TASOR: variants seen among roughly 807,000 people sequenced by gnomAD.
TASOR encodes protein TASOR.
TASOR carries 53 observed loss-of-function variants against 178.6 expected under a neutral mutation model. The observed-to-expected ratio is 0.30, with a 90% CI of 0.24 to 0.37. The LOEUF is 0.37. Ranked by LOEUF, TASOR falls within the 10% of genes least tolerant of loss-of-function variation. The probability of loss-of-function intolerance (pLI) is 1.00; values close to 1 mark genes in which losing one functional copy is unlikely to be tolerated. For synonymous variants in TASOR, 713 were observed against 696.2 expected, an observed-to-expected ratio of 1.02 and a Z score of -0.38; for missense variants, 1,815 against 1,971.4, an observed-to-expected ratio of 0.92 and a Z score of 1.50.
Position 56,640,150 on chromosome 3 carries a change from C to G in TASOR, c.2620-20G>C. 1 of 1,603,930 alleles carries G rather than the reference C, an allele frequency of 6.2e-7. No homozygotes were observed. Among genetic ancestry groups the G allele is most frequent in the East Asian group, 2.2e-5 (1 of 44,784 alleles). On this transcript the variant is annotated intron_variant, in intron 15 of 23. Transcript: ENST00000683822. ...TGGATCCTAAAAATCAAAGTACACA[C>G]TGAATAGCTTTATTTCCAATTCATT...
In TASOR at chr3:56,624,329, T is replaced by C. The variant is rs1017976693; in HGVS notation, c.4483+150A>G. 15 of 713,146 alleles carry C rather than the reference T, an allele frequency of 2.1e-5. No individual in the cohort carries two copies. In the African/African-American group the frequency reaches 2.2e-4, roughly 10 times the overall value. The allele number at this position is 713,146 out of a possible 1,614,324, so 44.2% of individuals were successfully genotyped here. A position where few individuals can be genotyped will look rare whatever the true frequency, so the allele number is the denominator to read the frequency against. ...AGCAGATCTTGTGCATGCTAAGTAT[T>C]AGAATGATAAATGTCTTGAAACACT... On this transcript the variant is annotated intron_variant, in intron 23 of 23. Coordinates refer to ENST00000683822, the MANE Select transcript of TASOR (RefSeq NM_001365635.2).
At chr3:56,657,903 T>C (rs1316647) in intron 11 of TASOR, among the ~76,000 whole-genome samples, 28,150 of 152,096 alleles carry the variant, frequency 0.19, 3,427 homozygotes, top group South Asian at 0.41. Flanking sequence ...GTCCCCATCT[T>C]TTACCTATGT....
At chr3:56,636,436 C>T (rs1007168859) in intron 17 of TASOR, among the ~76,000 whole-genome samples, 6 of 151,720 alleles carry the variant, frequency 4.0e-5, no homozygotes, top group East Asian at 1.9e-4. Context: ...GACAGAGACT[C>T]GCTCTGCCAC....
intron 13 of TASOR, among the ~76,000 whole-genome samples, chr3:56,647,716 G>C (rs1013554030): frequency 6.6e-6 from 1 of 152,196 alleles, no homozygotes; most frequent in Non-Finnish European, 1.5e-5. Flanking sequence ...AAAGCCATTA[G>C]TGGGAACTTT....
At chr3:56,680,260 T>TA (rs1234984677) in intron 1 of TASOR, among the ~76,000 whole-genome samples, 2 of 152,190 alleles carry the variant, frequency 1.3e-5, no homozygotes, top group South Asian at 2.1e-4. Flanking sequence ...ATGGGAATAG[T>TA]ACCTACCACA....
chr3:56,679,709 T>A (rs1463190772), intron 1 of TASOR, among the ~76,000 whole-genome samples: 1 of 152,188 alleles, frequency 6.6e-6, no homozygotes, highest in African/African-American at 2.4e-5. Context: ...CTACTCCATT[T>A]CCCAAGAACT....
At chr3:56,674,144 T>G (rs1267005663) in intron 1 of TASOR, among the ~76,000 whole-genome samples, 1 of 150,124 alleles carries the variant, frequency 6.7e-6, no homozygotes. Flanking sequence ...TAAAAGCATT[T>G]AAGACGTTAT....
intron 7 of TASOR, among the ~76,000 whole-genome samples, chr3:56,665,246 G>A (rs1298189781): frequency 1.3e-5 from 2 of 152,154 alleles, no homozygotes; most frequent in Non-Finnish European, 2.9e-5. Flanking sequence ...AACTATCAAT[G>A]CCTTGACTGC....
At chr3:56,636,799 C>T (rs148801577) in intron 17 of TASOR, among the ~76,000 whole-genome samples, 37 of 152,282 alleles carry the variant, frequency 2.4e-4, no homozygotes, top group African/African-American at 8.4e-4. Flanking sequence ...CAGATGTCTA[C>T]ACTTTAGCTT....
intron 22 of TASOR, 49 bp from the exon 23 acceptor site, chr3:56,624,692 C>T (rs1553720712): frequency 1.3e-6 from 2 of 1,570,984 alleles, no homozygotes; most frequent in Non-Finnish European, 1.7e-6. Flanking sequence ...AAAATATAGA[C>T]AGCCCCTAGC....
chr3:56,628,699 A>T (rs10222629), intron 18 of TASOR, 85 bp from the exon 19 acceptor site: 122,684 of 848,514 alleles, frequency 0.14, 12,026 homozygotes, highest in South Asian at 0.34. Context: ...ATAAACTGAT[A>T]AGCTTAACTA....
At chr3:56,656,169 A>AC (rs2077463935) in intron 11 of TASOR, among the ~76,000 whole-genome samples, 3 of 152,204 alleles carry the variant, frequency 2.0e-5, no homozygotes, top group Admixed American at 2.0e-4. Flanking sequence ...CTATATAGAA[A>AC]CCCCCAAAAA....
intron 1 of TASOR, among the ~76,000 whole-genome samples, chr3:56,674,436 G>C (rs1266378364): frequency 6.6e-6 from 1 of 151,974 alleles, no homozygotes; most frequent in Non-Finnish European, 1.5e-5. Context: ...TTTGAGCCCA[G>C]GAGTTCAAGG....
intron 11 of TASOR, among the ~76,000 whole-genome samples, chr3:56,658,946 C>CTGTG (rs58622702): frequency 0.041 from 6,032 of 147,500 alleles, 167 homozygotes; most frequent in Non-Finnish European, 0.06. Context: ...GAGAGAGAGA[C>CTGTG]TGTGTGTGTG....
intron 6 of TASOR, among the ~76,000 whole-genome samples, chr3:56,666,850 G>A (rs2030053103): frequency 6.6e-6 from 1 of 152,170 alleles, no homozygotes; most frequent in Non-Finnish European, 1.5e-5. Context: ...CTGAACATAG[G>A]TGACAAAGAT....
At position 56,647,069 on chromosome 3, in the gene TASOR, CT is replaced by C; in HGVS notation, c.1667del (p.Lys556SerfsTer3). 1.9e-6 allele frequency: 3 copies of C among 1,607,208 alleles called. No individual in the cohort carries two copies. Among genetic ancestry groups the C allele is most frequent in the Admixed American group, 1.7e-5 (1 of 58,040 alleles). The stretch of plus-strand genomic sequence containing the variant: ...CTCGCTTAAAAAATTCACTTACATA[CT>C]TTTCAACAACAGAATGAAAATTTAT... ...SAINFHSVVE[K>X]YVSEFFKRGF... On this transcript the variant is annotated frameshift_variant, in exon 14 of 24. Coordinates refer to ENST00000683822, the MANE Select transcript of TASOR (RefSeq NM_001365635.2). LOFTEE classifies it high-confidence loss of function.
rs181317712 is a variant in TASOR, at chr3:56,670,890, G to A, written c.570+710C>T. Reference sequence around the variant, plus strand: ...AGAAGGAGGTTGCAGTGAGTGAGCCGCGATCACACCATTTAACTCCAGCCT... The same window carrying A: ...AGAAGGAGGTTGCAGTGAGTGAGCCACGATCACACCATTTAACTCCAGCCT... On this transcript the variant is annotated intron_variant, in intron 3 of 23. Coordinates refer to ENST00000683822, the MANE Select transcript of TASOR (RefSeq NM_001365635.2). Among the ~76,000 whole-genome samples the A allele has an allele frequency of 2.5e-3, 307 of 125,176 alleles. 13 individuals are homozygous for A. In the East Asian group the frequency reaches 0.067, roughly 27 times the overall value. 82.1% of individuals were successfully genotyped at this position (125,176 alleles called of 152,430 possible). A position where few individuals can be genotyped will look rare whatever the true frequency, so the allele number is the denominator to read the frequency against.
chr3:56,636,153 T>A (rs2077011158), intron 17 of TASOR, among the ~76,000 whole-genome samples: 1 of 149,958 alleles, frequency 6.7e-6, no homozygotes, highest in East Asian at 2.0e-4. Flanking sequence ...AAAAAAAAAA[T>A]ACAAAAATTA....
intron 11 of TASOR, among the ~76,000 whole-genome samples, chr3:56,652,119 G>C (rs2077364790): frequency 6.6e-6 from 1 of 152,168 alleles, no homozygotes; most frequent in South Asian, 2.1e-4. Context: ...AAAATGTTCA[G>C]AGCAGATAAA....
Sources: gnomAD v4.1 joint callset for allele counts (sites outside exome capture counted in the v4.1 genomes callset) on GRCh38, gnomAD v4.1.1 for gene constraint, MANE v1.5 for transcripts, NCBI Gene and HGNC (gene_info 2026-07-23, HGNC 2026-07-21) for gene names.